The following BTBD7 variants were observed in gnomAD, a reference collection of about 807,000 sequenced individuals.
The protein encoded by BTBD7 is BTB/POZ domain-containing protein 7.
BTBD7 carries 38 observed loss-of-function variants against 99.9 expected under a neutral mutation model. The ratio of observed to expected loss-of-function variants is 0.38; its 90% confidence interval spans 0.29 to 0.50. BTBD7 has a LOEUF of 0.50. BTBD7 is among the 20% of genes least tolerant of loss of function. The pLI, the probability that BTBD7 is intolerant of heterozygous loss-of-function variation, is 0.93. For synonymous variants in BTBD7, 520 were observed against 511.4 expected, an observed-to-expected ratio of 1.02 and a Z score of -0.23; for missense variants, 1,170 against 1,394.6, an observed-to-expected ratio of 0.84 and a Z score of 2.57.
At chr14:93,286,865 C>A (rs2052784737) in intron 3 of BTBD7, among the ~76,000 whole-genome samples, 1 of 152,168 alleles carries the variant, frequency 6.6e-6, no homozygotes, top group Non-Finnish European at 1.5e-5. Flanking sequence ...ATGATAAAGT[C>A]TCCAGTTCTT....
At chr14:93,267,257 G>GA (rs928848307) in intron 3 of BTBD7, among the ~76,000 whole-genome samples, 6 of 151,932 alleles carry the variant, frequency 3.9e-5, no homozygotes, top group Admixed American at 2.0e-4. Context: ...GATACAGTAG[G>GA]AAAAAAAATG....
At chr14:93,257,427 T>A in intron 5 of BTBD7, 72 bp from the exon 6 acceptor site, 3 of 1,418,040 alleles carry the variant, frequency 2.1e-6, no homozygotes, top group Non-Finnish European at 2.9e-6. Context: ...TGTTCTCTAG[T>A]ACATACACTA....
chr14:93,328,536 T>A lies in BTBD7; in HGVS notation c.-107+4284A>T, dbSNP rs1007704297. On this transcript the variant is annotated intron_variant, in intron 1 of 10. Transcript: ENST00000334746. ...GGACAGTTTTCTCAACAAATGGTAA[T>A]GCAAAAACCACGTATATGGTAATAG... Among the ~76,000 whole-genome samples the A allele has an allele frequency of 2.1e-5, 3 of 140,832 alleles. No homozygotes were observed. In the South Asian group the frequency reaches 6.6e-4, roughly 31 times the overall value. The allele number at this position is 140,832 out of a possible 152,430, so 92.4% of individuals were successfully genotyped here.
chr14:93,250,731 G>A (rs1194127397), intron 8 of BTBD7, among the ~76,000 whole-genome samples: 5 of 152,142 alleles, frequency 3.3e-5, no homozygotes, highest in Non-Finnish European at 7.3e-5. Context: ...ATGCTCAGAC[G>A]TTTTTGGACA....
chr14:93,321,918 C>A (rs2053275029), intron 1 of BTBD7, among the ~76,000 whole-genome samples: 1 of 151,960 alleles, frequency 6.6e-6, no homozygotes, highest in Non-Finnish European at 1.5e-5. Flanking sequence ...GAGAAGAATG[C>A]CAAAATAATG....
intron 1 of BTBD7, among the ~76,000 whole-genome samples, chr14:93,319,894 A>G (rs141047414): frequency 5.1e-4 from 77 of 152,364 alleles, no homozygotes; most frequent in Admixed American, 1.9e-3. Context: ...GGAAGACTTG[A>G]GAGTTGAATA....
At chr14:93,297,026 T>C (rs2052936637) in intron 1 of BTBD7, among the ~76,000 whole-genome samples, 1 of 152,220 alleles carries the variant, frequency 6.6e-6, no homozygotes, top group Non-Finnish European at 1.5e-5. Flanking sequence ...ATAAAATCTA[T>C]CTGACTAAAT....
At chr14:93,279,546 C>A (rs2052694330) in intron 3 of BTBD7, among the ~76,000 whole-genome samples, 1 of 152,038 alleles carries the variant, frequency 6.6e-6, no homozygotes, top group Non-Finnish European at 1.5e-5. Flanking sequence ...CTGGACTATC[C>A]TTTTCTTCTT....
At chr14:93,259,827 G>A (rs570936457) in intron 5 of BTBD7, among the ~76,000 whole-genome samples, 7 of 152,182 alleles carry the variant, frequency 4.6e-5, no homozygotes, top group East Asian at 1.9e-4. Context: ...CCAGCTACTC[G>A]GGAAGCTGAG....
At chr14:93,316,932 G>A (rs1387971871) in intron 1 of BTBD7, among the ~76,000 whole-genome samples, 2 of 152,204 alleles carry the variant, frequency 1.3e-5, no homozygotes, top group Non-Finnish European at 2.9e-5. Flanking sequence ...GGCAGGACAT[G>A]TAGGCAGTCA....
rs550692535 is a variant in BTBD7, at chr14:93,309,103, A to C, written c.-106-12946T>G. 2.6e-5 allele frequency among the ~76,000 whole-genome samples: 4 copies of C among 152,210 alleles called. No individual in the cohort carries two copies. The South Asian group carries it at 8.3e-4, about 32-fold the overall frequency. On this transcript the variant is annotated intron_variant, in intron 1 of 10. Coordinates refer to ENST00000334746, the MANE Select transcript of BTBD7 (RefSeq NM_001002860.4). ...CTCCCTTTTTTAAACATTCCCCCCA[A>C]CTTCATGTTCCTTTTAATGACTGGA... is the stretch of plus-strand genomic sequence containing the variant.
intron 5 of BTBD7, among the ~76,000 whole-genome samples, chr14:93,258,241 A>C (rs186363253): frequency 3.3e-5 from 5 of 151,202 alleles, no homozygotes; most frequent in Admixed American, 6.6e-5. Context: ...GAGAGAGAGA[A>C]TTGATTGTTT....
At chr14:93,258,596 ATTT>A (rs1401069694) in intron 5 of BTBD7, among the ~76,000 whole-genome samples, 2 of 151,774 alleles carry the variant, frequency 1.3e-5, no homozygotes, top group Non-Finnish European at 2.9e-5. Context: ...TTTTATTATT[ATTT>A]TTTAAGATGG....
intron 1 of BTBD7, among the ~76,000 whole-genome samples, chr14:93,298,550 T>A (rs1051402359): frequency 1.3e-5 from 2 of 152,166 alleles, no homozygotes; most frequent in African/African-American, 4.8e-5. Context: ...CACCAAGCTA[T>A]CTCATTATGT....
chr14:93,332,843 C>CT lies in BTBD7; in HGVS notation c.-131dup. 1 of 1,479,008 alleles carries CT rather than the reference C, an allele frequency of 6.8e-7. No individual in the cohort carries two copies. Among genetic ancestry groups the CT allele is most frequent in the Non-Finnish European group, 8.9e-7 (1 of 1,121,236 alleles). 91.6% of individuals were successfully genotyped at this position (1,479,008 alleles called of 1,614,324 possible). ...ACCCCGGAGGCTCCTCCCGCCGCTG[C>CT]TGCTGCCGCTGGGACCGCTGCCGTC... On this transcript the variant is annotated 5_prime_UTR_variant, in exon 1 of 11. It introduces an in-frame stop codon into an upstream open reading frame of the 5' UTR. Transcript: ENST00000334746.
rs1351255691 is a variant in BTBD7, at chr14:93,294,073, T to G, written c.947A>C (p.Asp316Ala). 1 of 1,613,974 alleles carries G rather than the reference T, an allele frequency of 6.2e-7. No individual in the cohort carries two copies. The highest frequency in any genetic ancestry group is 1.1e-5 in the South Asian group (1 of 91,080). Residue 316 changes from aspartate (D) to alanine (A), a missense_variant, in exon 3 of 11, where the codon GAT becomes GCT. Physicochemically the swap from Asp to Ala is moderately radical, Grantham distance 126. This residue lies in a region of BTBD7 where 359 missense variants were observed against 497.9 expected (regional missense o/e 0.72). Transcript: ENST00000334746. ...ATATTTTTTTGGTATAATGGACTCA[T>G]CTAATATAATTCTTGTGGGAGTCCT... ...TLRTPTRIILDESIIPKKYAT... is the reference protein window; with the variant it reads ...TLRTPTRIILAESIIPKKYAT...
Position 93,246,227 on chromosome 14 carries a change from C to T in BTBD7, c.2181G>A (p.Met727Ile), listed in dbSNP as rs1203821541. Residue 727 changes from methionine (M) to isoleucine (I), a missense_variant, in exon 10 of 11, where the codon ATG becomes ATA. Met to Ile is a conservative substitution (Grantham distance 10). Coordinates refer to ENST00000334746, the MANE Select transcript of BTBD7 (RefSeq NM_001002860.4). ...RFGDESPLLTMRQPGRCRVNS... is the reference protein window; with the variant it reads ...RFGDESPLLTIRQPGRCRVNS... ...TTACGCGACATCTCCCAGGCTGTCTCATTGTCAAGAGTGGACTTTCATCCC... is the reference window on the plus strand; with the variant it reads ...TTACGCGACATCTCCCAGGCTGTCTTATTGTCAAGAGTGGACTTTCATCCC... 1 of 1,585,482 alleles carries T rather than the reference C, an allele frequency of 6.3e-7. No homozygotes were observed. Among genetic ancestry groups the T allele is most frequent in the East Asian group, 2.2e-5 (1 of 44,552 alleles).
chr14:93,307,403 G>T (rs2053083541), intron 1 of BTBD7, among the ~76,000 whole-genome samples: 1 of 152,100 alleles, frequency 6.6e-6, no homozygotes, highest in African/African-American at 2.4e-5. Flanking sequence ...TGATCCTCCT[G>T]CCCTGGCCTC....
chr14:93,318,697 A>T (rs1172814480), intron 1 of BTBD7, among the ~76,000 whole-genome samples: 1 of 152,234 alleles, frequency 6.6e-6, no homozygotes, highest in East Asian at 1.9e-4. Context: ...AAGAAGTGGC[A>T]CTTGAATGAG....
Sources: allele counts gnomAD v4.1 joint callset (sites outside exome capture counted in the v4.1 genomes callset), GRCh38; gene constraint gnomAD v4.1.1; regional missense constraint gnomAD v4.1.1; transcripts MANE v1.5; gene names NCBI Gene and HGNC (gene_info 2026-07-23, HGNC 2026-07-21).